NLRP14: variants seen among roughly 807,000 people sequenced by gnomAD.
NLRP14 encodes the protein NLR family pyrin domain containing 14.
Under a neutral mutation model 94.7 loss-of-function variants are expected in NLRP14, and 105 were observed. The observed-to-expected ratio is 1.11, with a 90% CI of 0.95 to 1.30. The LOEUF (loss-of-function observed/expected upper bound fraction) is 1.30, where lower values mean the gene tolerates loss of function less well. NLRP14 is among the 50% of genes most tolerant of loss of function. The pLI, the probability that NLRP14 is intolerant of heterozygous loss-of-function variation, is 0.00. For missense variants in NLRP14, 1,362 were observed against 1,254.1 expected, an observed-to-expected ratio of 1.09 and a Z score of -1.30; for synonymous variants, 508 against 459.9, an observed-to-expected ratio of 1.10 and a Z score of -1.34.
At chr11:7,089,479 G>A in the NLRP14 span, 1 of 1,262,326 alleles carries the variant, frequency 7.9e-7, no homozygotes, top group Non-Finnish European at 1.0e-6. Context: ...GGCCCGCGGC[G>A]TTCCCCATCC....
At chr11:7,090,609 G>T in the NLRP14 span, 1 of 413,568 alleles carries the variant, frequency 2.4e-6, no homozygotes, top group Non-Finnish European at 4.7e-6. Flanking sequence ...AAATTTTCTT[G>T]ATAAATGAGG....
In NLRP14 at chr11:7,060,074, C is replaced by A. The variant is rs757791876; in HGVS notation, c.2804+10C>A. 14 of 1,610,900 alleles carry A rather than the reference C, an allele frequency of 8.7e-6. No individual in the cohort carries two copies. Among genetic ancestry groups the A allele is most frequent in the Non-Finnish European group, 1.2e-5 (14 of 1,177,510 alleles). The stretch of plus-strand genomic sequence containing the variant: ...ATCTTCAGGACTTGGAGTAGGTTTT[C>A]TGTTGCTTTACTTTTGTGTAGTTTC... On this transcript the variant is annotated intron_variant, in intron 9 of 11. Transcript: ENST00000299481.
At chr11:7,036,614 C>T (rs1051384763) in intron 1 of NLRP14, among the ~76,000 whole-genome samples, 1 of 152,242 alleles carries the variant, frequency 6.6e-6, no homozygotes, top group Non-Finnish European at 1.5e-5. Flanking sequence ...GGTAGGTACT[C>T]TTGCTATTCC....
the NLRP14 span, among the ~76,000 whole-genome samples, chr11:7,084,268 A>G: frequency 5.7e-4 from 87 of 152,234 alleles, no homozygotes; most frequent in Admixed American, 4.6e-3. Flanking sequence ...GTGTATTCCT[A>G]TTTTGACATA....
At chr11:7,029,950 C>G (rs1852068521) in intron 1 of NLRP14, among the ~76,000 whole-genome samples, 1 of 152,150 alleles carries the variant, frequency 6.6e-6, no homozygotes, top group Admixed American at 6.5e-5. Flanking sequence ...TGTACATTTT[C>G]TTAATGCCAA....
intron 1 of NLRP14, among the ~76,000 whole-genome samples, chr11:7,023,248 G>C (rs951365089): frequency 6.7e-6 from 1 of 148,220 alleles, no homozygotes; most frequent in African/African-American, 2.5e-5. Context: ...TTTTAAATAT[G>C]TTTAAATTTT....
At chr11:7,041,862 A>G (rs1589861359) in intron 3 of NLRP14, among the ~76,000 whole-genome samples, 1 of 152,156 alleles carries the variant, frequency 6.6e-6, no homozygotes, top group Admixed American at 6.5e-5. Flanking sequence ...TTTTCATTCT[A>G]TTTCACTCAG....
the NLRP14 span, among the ~76,000 whole-genome samples, chr11:7,086,833 G>A: frequency 6.6e-6 from 1 of 152,100 alleles, no homozygotes; most frequent in African/African-American, 2.4e-5. Flanking sequence ...ATGAAGTTAA[G>A]GAACTTCATC....
chr11:7,053,201 A>G (rs1360856347), intron 6 of NLRP14, among the ~76,000 whole-genome samples: 1 of 152,116 alleles, frequency 6.6e-6, no homozygotes, highest in East Asian at 1.9e-4. Context: ...AAACATTTAG[A>G]TAAATTATAA....
At chr11:7,029,706 GA>G (rs1163286420) in intron 1 of NLRP14, among the ~76,000 whole-genome samples, 2 of 152,204 alleles carry the variant, frequency 1.3e-5, no homozygotes, top group African/African-American at 4.8e-5. Flanking sequence ...TTTCTCTTAA[GA>G]TGCACATACT....
At chr11:7,067,281 A>T (rs1173544628) in intron 10 of NLRP14, among the ~76,000 whole-genome samples, 1 of 152,206 alleles carries the variant, frequency 6.6e-6, no homozygotes, top group East Asian at 1.9e-4. Context: ...GAACCTATAA[A>T]TTACTTTGAG....
chr11:7,064,973 A>G (rs918499745), intron 10 of NLRP14, among the ~76,000 whole-genome samples: 14 of 152,010 alleles, frequency 9.2e-5, no homozygotes, highest in African/African-American at 3.1e-4. Flanking sequence ...CAGTTCTAAC[A>G]ATGCTGTCTT....
At chr11:7,060,144 C>T (rs998680772) in intron 9 of NLRP14, 80 bp downstream of exon 9, 135 of 1,232,526 alleles carry the variant, frequency 1.1e-4, no homozygotes, top group African/African-American at 2.5e-4. Context: ...GGCTGAGAAC[C>T]GAGCATCTAT....
rs981098631 is a variant in NLRP14 at position 7,020,504 on chromosome 11, G to C, written c.-288G>C. The C allele has an allele frequency of 6.6e-6, 1 of 152,356 alleles. No individual in the cohort carries two copies. The highest frequency in any genetic ancestry group is 1.5e-5 in the Non-Finnish European group (1 of 68,142). The allele number at this position is 152,356 out of a possible 1,614,324, so 9.4% of individuals were successfully genotyped here. On this transcript the variant is annotated 5_prime_UTR_variant, in exon 1 of 12. Transcript: ENST00000299481. ...ATTCCTGCGCGGGCGGGAGCTGCGGGCGCTCGGGGGATAAGGCGAGGACGC... is the reference window on the plus strand; with the variant it reads ...ATTCCTGCGCGGGCGGGAGCTGCGGCCGCTCGGGGGATAAGGCGAGGACGC...
At position 7,039,899 on chromosome 11, in the gene NLRP14, C is replaced by G. The variant is rs527564400; in HGVS notation, c.361+114C>G. On this transcript the variant is annotated intron_variant, in intron 3 of 11. Coordinates refer to ENST00000299481, the MANE Select transcript of NLRP14 (RefSeq NM_176822.4). Reference sequence around the variant, plus strand: ...ATCTTGTTAACTTCTTCTAATACCCCACCTGTTCCCTGAATGTCACCCAAA... The same window carrying G: ...ATCTTGTTAACTTCTTCTAATACCCGACCTGTTCCCTGAATGTCACCCAAA... The G allele has an allele frequency of 6.1e-4, 513 of 837,766 alleles. 2 individuals carry two copies. The highest frequency in any genetic ancestry group is 2.9e-3 in the South Asian group (212 of 72,322). The allele number at this position is 837,766 out of a possible 1,614,324, so 51.9% of individuals were successfully genotyped here.
chr11:7,058,686 A>G (rs909626459), intron 8 of NLRP14, among the ~76,000 whole-genome samples: 2 of 151,924 alleles, frequency 1.3e-5, no homozygotes, highest in African/African-American at 2.4e-5. Flanking sequence ...TGACCACCCA[A>G]TTTTGAGGGG....
intron 11 of NLRP14, 82 bp downstream of exon 11, chr11:7,070,538 A>G (rs1852778672): frequency 1.1e-6 from 1 of 948,488 alleles, no homozygotes; most frequent in Admixed American, 1.8e-5. Flanking sequence ...AGGCCTCAGA[A>G]TCCACCTAAT....
chr11:7,044,244 T>C (rs374486678), intron 4 of NLRP14, among the ~76,000 whole-genome samples: 9 of 152,300 alleles, frequency 5.9e-5, no homozygotes, highest in Middle Eastern at 3.4e-3. Flanking sequence ...CTGAGGACTC[T>C]CAATTGTTGA....
chr11:7,050,322 G>A (rs1017734693), intron 6 of NLRP14, among the ~76,000 whole-genome samples: 1 of 152,164 alleles, frequency 6.6e-6, no homozygotes, highest in African/African-American at 2.4e-5. Context: ...AGAAAGAAGA[G>A]CATGGAAATG....
Sources: allele counts gnomAD v4.1 joint callset (sites outside exome capture counted in the v4.1 genomes callset), GRCh38; gene constraint gnomAD v4.1.1; transcripts MANE v1.5; gene names NCBI Gene and HGNC (gene_info 2026-07-23, HGNC 2026-07-21).